Variants in DCAF13 observed in about 807,000 individuals in gnomAD.
DCAF13 encodes DDB1- and CUL4-associated factor 13.
In DCAF13, 38 loss-of-function variants were observed where a neutral mutation model predicts 59.0. That is an observed-to-expected ratio of 0.64 (90% CI 0.50 to 0.84). DCAF13 has a LOEUF of 0.84. DCAF13 is among the 40% of genes least tolerant of loss of function. The pLI is 0.00. For synonymous variants in DCAF13, 173 were observed against 175.0 expected (o/e 0.99, Z 0.09); for missense variants, 469 against 558.4 (o/e 0.84, Z 1.61).
At position 103,435,712 on chromosome 8, in the gene DCAF13, C is replaced by G. The variant is rs1816923525; in HGVS notation, c.872C>G (p.Ser291Cys). ...TCTGCAGTGCTTGATGTGGATTACT[C>G]TCCCACTGGGAAGGAGTTTGTGTCT... is the stretch of plus-strand genomic sequence containing the variant. ...HVSAVLDVDY[S>C]PTGKEFVSAS... Residue 291 changes from serine (S) to cysteine (C), a missense_variant, in exon 8 of 11, where the codon TCT (serine) becomes TGT (cysteine). By Grantham distance (112) the Ser-to-Cys change is moderately radical (BLOSUM62 -1). This residue lies in a region of DCAF13 where 355 missense variants were observed against 399.1 expected (regional missense o/e 0.89). Coordinates refer to ENST00000612750, the MANE Select transcript of DCAF13 (RefSeq NM_015420.7). 6.2e-7 allele frequency: 1 copy of G among 1,613,492 alleles called. No homozygotes were observed. Among genetic ancestry groups the G allele is most frequent in the Non-Finnish European group, 8.5e-7 (1 of 1,179,716 alleles).
At chr8:103,417,092 C>T (rs1350822176) in intron 1 of DCAF13, among the ~76,000 whole-genome samples, 1 of 152,208 alleles carries the variant, frequency 6.6e-6, no homozygotes, top group Non-Finnish European at 1.5e-5. Context: ...GCACTTTGCA[C>T]AGTACCATAT....
At chr8:103,417,737 TG>T (rs950920121) in intron 1 of DCAF13, among the ~76,000 whole-genome samples, 4 of 151,946 alleles carry the variant, frequency 2.6e-5, no homozygotes, top group African/African-American at 9.7e-5. Context: ...CTGTTATTAA[TG>T]GGGCACACAG....
At chr8:103,428,744 G>A (rs1246813204) in intron 5 of DCAF13, 1 of 152,008 alleles carries the variant, frequency 6.6e-6, no homozygotes, top group Admixed American at 6.6e-5. Flanking sequence ...ACAGACACTG[G>A]TTCTTACTAT....
rs1428849144 is a variant in DCAF13, at chr8:103,430,637, C to G, written c.650C>G (p.Ser217Cys). Reference sequence around the variant, plus strand: ...ACATTTCTCTTGGGAAGTTGTGCATCTGACAGGAATATAGTACTGTACGAT... The same window carrying G: ...ACATTTCTCTTGGGAAGTTGTGCATGTGACAGGAATATAGTACTGTACGAT... ...IETFLLGSCA[S>C]DRNIVLYDMR... Residue 217 changes from serine (S) to cysteine (C), a missense_variant, in exon 6 of 11, where the codon TCT becomes TGT. Around this residue, in one of 3 missense-constraint regions of DCAF13, gnomAD observed 355 missense variants for 399.1 expected, o/e 0.89. Transcript: ENST00000612750. 2 of 1,610,836 alleles carry G rather than the reference C, an allele frequency of 1.2e-6. No individual in the cohort carries two copies. Among genetic ancestry groups the G allele is most frequent in the South Asian group, 2.2e-5 (2 of 90,468 alleles).
intron 5 of DCAF13, 165 bp downstream of exon 5, chr8:103,427,417 C>T (rs970149136): frequency 3.1e-6 from 2 of 636,554 alleles, no homozygotes; most frequent in Non-Finnish European, 5.4e-6. Flanking sequence ...TGCTCAAATC[C>T]CAACATGTTT....
Position 103,421,097 on chromosome 8 carries a change from A to G in DCAF13, c.378+15A>G, listed in dbSNP as rs1021759155. On this transcript the variant is annotated intron_variant, in intron 3 of 10. Transcript: ENST00000612750. ...CTTTTTTCACTGTAAGTATAATACC[A>G]TTAAGTCATTAAATTTGATCAACAT... The G allele has an allele frequency of 2.0e-6, 3 of 1,466,770 alleles. No homozygotes were observed. The highest frequency in any genetic ancestry group is 3.3e-5 in the Admixed American group (2 of 59,758). The allele number at this position is 1,466,770 out of a possible 1,614,324, so 90.9% of individuals were successfully genotyped here. A position where few individuals can be genotyped will look rare whatever the true frequency, so the allele number is the denominator to read the frequency against.
intron 8 of DCAF13, among the ~76,000 whole-genome samples, 196 bp downstream of exon 8, chr8:103,435,986 G>A (rs1270112732): frequency 6.6e-6 from 1 of 152,150 alleles, no homozygotes; most frequent in Non-Finnish European, 1.5e-5. Flanking sequence ...TCTAGACTAC[G>A]AATCTGTTCA....
intron 3 of DCAF13, among the ~76,000 whole-genome samples, chr8:103,425,458 A>C (rs1303246091): frequency 8.5e-5 from 13 of 152,192 alleles, no homozygotes; most frequent in Non-Finnish European, 1.8e-4. Flanking sequence ...AAGACAAACT[A>C]TGTCTTTACT....
At chr8:103,425,471 C>G (rs1213803615) in intron 3 of DCAF13, among the ~76,000 whole-genome samples, 1 of 152,176 alleles carries the variant, frequency 6.6e-6, no homozygotes, top group South Asian at 2.1e-4. Context: ...TCTTTACTAA[C>G]ATTATGAAAA....
chr8:103,441,857 C>A, intron 10 of DCAF13: 1 of 406,724 alleles, frequency 2.5e-6, no homozygotes, highest in Non-Finnish European at 4.3e-6. Context: ...GCTCCGCCTC[C>A]CGGGTTCATG....
rs1448531151 is a variant in DCAF13, at chr8:103,440,198, A to G, written c.1013A>G (p.Lys338Arg). The change falls in exon 9 of 11, where the codon AAG (lysine) becomes AGG (arginine). Residue 338 changes from lysine to arginine, a missense_variant. By Grantham distance (26) the Lys-to-Arg change is conservative. This residue lies in a region of DCAF13 where 30 missense variants were observed against 67.1 expected (regional missense o/e 0.45). Transcript: ENST00000612750. ...TGTGTAAAATGGACTTCTGACAGCA[A>G]GTATATTATGTGTGGATCTGATGAA... ...VICVKWTSDS[K>R]YIMCGSDEMN... 1.2e-6 allele frequency: 2 copies of G among 1,605,664 alleles called. No individual in the cohort carries two copies. Among genetic ancestry groups the G allele is most frequent in the African/African-American group, 1.3e-5 (1 of 74,328 alleles).
chr8:103,415,415 C>G lies in DCAF13; in HGVS notation c.-32C>G, dbSNP rs137924177. The G allele has an allele frequency of 9.3e-6, 15 of 1,614,102 alleles. No homozygotes were observed. The South Asian group carries it at 1.3e-4, about 14-fold the overall frequency. On this transcript the variant is annotated 5_prime_UTR_variant, in exon 1 of 11. Coordinates refer to ENST00000612750, the MANE Select transcript of DCAF13 (RefSeq NM_015420.7). Reference sequence around the variant, plus strand: ...CGGTGGGCGGAACTCCTAGCGGACACCTCGTGGAGTCCGGCCGGAAGAGCA... The same window carrying G: ...CGGTGGGCGGAACTCCTAGCGGACAGCTCGTGGAGTCCGGCCGGAAGAGCA...
intron 3 of DCAF13, among the ~76,000 whole-genome samples, chr8:103,421,614 CT>C (rs897418156): frequency 6.6e-6 from 1 of 152,216 alleles, no homozygotes; most frequent in African/African-American, 2.4e-5. Context: ...TCCCCAACCC[CT>C]GGTAACTACT....
At chr8:103,436,135 T>G (rs1816929436) in intron 8 of DCAF13, among the ~76,000 whole-genome samples, 1 of 152,202 alleles carries the variant, frequency 6.6e-6, no homozygotes, top group Non-Finnish European at 1.5e-5. Flanking sequence ...AGTCTCTCAT[T>G]GACCAAAATG....
At chr8:103,433,982 C>G (rs749158347) in intron 7 of DCAF13, among the ~76,000 whole-genome samples, 11 of 152,046 alleles carry the variant, frequency 7.2e-5, no homozygotes, top group Non-Finnish European at 1.5e-5. Flanking sequence ...TACCGTTTTT[C>G]AGAGTGTCCT....
intron 8 of DCAF13, among the ~76,000 whole-genome samples, chr8:103,439,127 C>T (rs1586135003): frequency 6.6e-6 from 1 of 152,150 alleles, no homozygotes; most frequent in Admixed American, 6.5e-5. Context: ...GCCTCAGCCT[C>T]CCAAGTAGCT....
chr8:103,432,158 A>T (rs1477522020), intron 6 of DCAF13, among the ~76,000 whole-genome samples: 1 of 152,262 alleles, frequency 6.6e-6, no homozygotes. Context: ...TGCAAGAGGG[A>T]CATGTAGTGG....
In DCAF13 at chr8:103,421,477, T is replaced by C. The variant is rs114430486; in HGVS notation, c.378+395T>C. On this transcript the variant is annotated intron_variant, in intron 3 of 10. Transcript: ENST00000612750. The stretch of plus-strand genomic sequence containing the variant: ...AAAATTTACTCTCTGTTTTTAAATA[T>C]ACAGTTTGGTGGCATCCAGTACATT... Among the ~76,000 whole-genome samples, 428 of 152,338 alleles carry C rather than the reference T, an allele frequency of 2.8e-3. 2 individuals carry two copies. The highest frequency in any genetic ancestry group is 1.0e-2 in the African/African-American group (414 of 41,572).
intron 9 of DCAF13, chr8:103,440,973 A>T (rs1817002484): frequency 6.6e-6 from 1 of 152,530 alleles, no homozygotes; most frequent in South Asian, 2.1e-4. Context: ...ATGATTGATA[A>T]GTATTGCATT....
Sources: gnomAD v4.1 joint callset for allele counts (sites outside exome capture counted in the v4.1 genomes callset) on GRCh38, gnomAD v4.1.1 for gene constraint, gnomAD v4.1.1 regional missense constraint, MANE v1.5 for transcripts, NCBI Gene and HGNC (gene_info 2026-07-23, HGNC 2026-07-21) for gene names.